SKAP2: variants seen among roughly 807,000 people sequenced by gnomAD.
SKAP2 encodes src kinase-associated phosphoprotein 2.
A neutral mutation model predicts 54.9 loss-of-function variants in SKAP2; 28 were observed. That is an observed-to-expected ratio of 0.51 (90% CI 0.38 to 0.70). The LOEUF (loss-of-function observed/expected upper bound fraction) is 0.70. Among genes scored for constraint, SKAP2 ranks in the 30% least tolerant of loss-of-function variants. The pLI is 0.00. For synonymous variants in SKAP2, 137 were observed against 134.3 expected (o/e 1.02, Z -0.14); for missense variants, 356 against 424.1 (o/e 0.84, Z 1.41).
chr7:26,724,435 T>C (rs918578690), intron 9 of SKAP2, among the ~76,000 whole-genome samples: 3 of 152,152 alleles, frequency 2.0e-5, no homozygotes, highest in Admixed American at 6.5e-5. Flanking sequence ...AGAATTTAAA[T>C]TTTTTTCTTC....
In SKAP2 at chr7:26,795,099, G is replaced by T. The variant is rs537893119; in HGVS notation, c.307+48931C>A. On this transcript the variant is annotated intron_variant, in intron 4 of 12. Transcript: ENST00000345317. ...GAGATTTTACTAATAAACAGAAAAT[G>T]TCCTAAAAGTTCAAAAGAGAAGAGT... Among the ~76,000 whole-genome samples, 89 of 152,292 alleles carry T rather than the reference G, an allele frequency of 5.8e-4. 2 individuals are homozygous for T. In the South Asian group the frequency reaches 0.018, roughly 31 times the overall value.
At position 26,759,409 on chromosome 7, in the gene SKAP2, G is replaced by C. The variant is rs560278244; in HGVS notation, c.308-19445C>G. Reference sequence around the variant, plus strand: ...GCAGCTAATCCTTTGTAAAATCACTGGTTCAGTGATTGAGGAGTTTGCTCA... The same window carrying C: ...GCAGCTAATCCTTTGTAAAATCACTCGTTCAGTGATTGAGGAGTTTGCTCA... On this transcript the variant is annotated intron_variant, in intron 4 of 12. Coordinates refer to ENST00000345317, the MANE Select transcript of SKAP2 (RefSeq NM_003930.5). Among the ~76,000 whole-genome samples, 8 of 152,174 alleles carry C rather than the reference G, an allele frequency of 5.3e-5. No homozygotes were observed. In the South Asian group the frequency reaches 1.7e-3, roughly 32 times the overall value.
chr7:26,757,928 A>T (rs1335961842), intron 4 of SKAP2, among the ~76,000 whole-genome samples: 1 of 152,000 alleles, frequency 6.6e-6, no homozygotes, highest in African/African-American at 2.4e-5. Context: ...CGCCTGGCTA[A>T]TTTTTTGTAT....
chr7:26,824,385 G>A (rs1784446483), intron 4 of SKAP2, among the ~76,000 whole-genome samples: 1 of 152,142 alleles, frequency 6.6e-6, no homozygotes, highest in Non-Finnish European at 1.5e-5. Context: ...TTTAAAGGAT[G>A]ACAAACACAA....
At chr7:26,766,267 CTGTT>C (rs1240234581) in intron 4 of SKAP2, among the ~76,000 whole-genome samples, 5 of 152,106 alleles carry the variant, frequency 3.3e-5, no homozygotes, top group Non-Finnish European at 5.9e-5. Context: ...ATTTGGCTCT[CTGTT>C]TGTCTATTAT....
chr7:26,673,191 G>A (rs1786279058), intron 11 of SKAP2, among the ~76,000 whole-genome samples: 1 of 152,080 alleles, frequency 6.6e-6, no homozygotes, highest in Admixed American at 6.6e-5. Flanking sequence ...GAAGCATCAT[G>A]TAATCTTTAT....
chr7:26,864,503 G>A lies in SKAP2; in HGVS notation c.-74C>T. The A allele has an allele frequency of 6.6e-7, 1 of 1,523,814 alleles. No individual in the cohort carries two copies. Among genetic ancestry groups the A allele is most frequent in the Non-Finnish European group, 8.8e-7 (1 of 1,137,346 alleles). The allele number at this position is 1,523,814 out of a possible 1,614,324, so 94.4% of individuals were successfully genotyped here. A position where few individuals can be genotyped will look rare whatever the true frequency, so the allele number is the denominator to read the frequency against. ...ACCGACGGGGTGGGGCTGCGGCTGC[G>A]ACCTAGACTCAGGCTAGCGGCCCGG... On this transcript the variant is annotated 5_prime_UTR_variant, in exon 1 of 13. Coordinates refer to ENST00000345317, the MANE Select transcript of SKAP2 (RefSeq NM_003930.5).
intron 4 of SKAP2, among the ~76,000 whole-genome samples, chr7:26,802,651 G>A (rs189995567): frequency 6.6e-6 from 1 of 152,206 alleles, no homozygotes; most frequent in Non-Finnish European, 1.5e-5. Context: ...GGGAGGCAGA[G>A]GCAGGTGGAT....
At chr7:26,699,943 C>T (rs1205077842) in intron 9 of SKAP2, among the ~76,000 whole-genome samples, 2 of 152,088 alleles carry the variant, frequency 1.3e-5, no homozygotes, top group Non-Finnish European at 2.9e-5. Flanking sequence ...GACCAAAGTC[C>T]GTATGTGTTT....
intron 4 of SKAP2, among the ~76,000 whole-genome samples, chr7:26,790,973 A>T (rs1783662553): frequency 6.6e-6 from 1 of 152,200 alleles, no homozygotes; most frequent in Admixed American, 6.5e-5. Flanking sequence ...TGTCTTCCTT[A>T]AAGAAATATA....
chr7:26,730,399 A>C (rs956494485), intron 6 of SKAP2, among the ~76,000 whole-genome samples: 4 of 152,236 alleles, frequency 2.6e-5, no homozygotes, highest in Non-Finnish European at 4.4e-5. Context: ...ACAAATAGCA[A>C]AAGCTTATTC....
In SKAP2 at chr7:26,844,064, T is replaced by C. The variant is rs755786124; in HGVS notation, c.273A>G (p.Glu91=). The part of the protein sequence containing the change: ...GPPDTISLAS[E]RYDKDDEAPS... ...GGGCTTCATCGTCTTTATCATATCG[T>C]TCTGAGGCTAATGAAATAGTGTCTG... is the stretch of plus-strand genomic sequence containing the variant. The change falls in exon 4 of 13, where the codon GAA becomes GAG. Residue 91 remains glutamate (E), a synonymous_variant. Coordinates refer to ENST00000345317, the MANE Select transcript of SKAP2 (RefSeq NM_003930.5). 6.8e-6 allele frequency: 11 copies of C among 1,612,436 alleles called. No homozygotes were observed. The Admixed American group carries it at 1.0e-4, about 15-fold the overall frequency.
intron 4 of SKAP2, among the ~76,000 whole-genome samples, chr7:26,797,439 A>T (rs1783806780): frequency 6.6e-6 from 1 of 152,180 alleles, no homozygotes; most frequent in Non-Finnish European, 1.5e-5. Context: ...ATTCTCCCGG[A>T]TCTTGTCCAA....
chr7:26,683,567 A>G (rs919402756), intron 11 of SKAP2, among the ~76,000 whole-genome samples: 2 of 151,788 alleles, frequency 1.3e-5, no homozygotes, highest in African/African-American at 2.4e-5. Flanking sequence ...GAAGGAAGGA[A>G]AGAAGGAGCA....
intron 4 of SKAP2, among the ~76,000 whole-genome samples, chr7:26,775,528 T>C (rs1324247014): frequency 3.7e-5 from 3 of 80,038 alleles, no homozygotes; most frequent in Non-Finnish European, 7.3e-5. Context: ...GTTTTACTTG[T>C]ACGTGTGTGT....
chr7:26,824,127 G>T (rs1784441861), intron 4 of SKAP2, among the ~76,000 whole-genome samples: 1 of 87,504 alleles, frequency 1.1e-5, no homozygotes, highest in Admixed American at 1.2e-4. Flanking sequence ...TCAATTCATT[G>T]CTGTCTTTAT....
chr7:26,777,654 G>A (rs1783341353), intron 4 of SKAP2, among the ~76,000 whole-genome samples: 1 of 152,026 alleles, frequency 6.6e-6, no homozygotes, highest in South Asian at 2.1e-4. Context: ...CAAAATGCTG[G>A]CAGAAAGCAG....
At chr7:26,685,520 G>T (rs1414057613) in intron 10 of SKAP2, among the ~76,000 whole-genome samples, 1 of 152,120 alleles carries the variant, frequency 6.6e-6, no homozygotes, top group South Asian at 2.1e-4. Flanking sequence ...TTTTTCAACC[G>T]ATTTTTGTCA....
chr7:26,657,688 G>A, the SKAP2 span, among the ~76,000 whole-genome samples: 1 of 151,992 alleles, frequency 6.6e-6, no homozygotes, highest in East Asian at 1.9e-4. Context: ...TTACTGAAGC[G>A]GAATAAGGCT....
Sources: gnomAD v4.1 joint callset for allele counts (sites outside exome capture counted in the v4.1 genomes callset) on GRCh38, gnomAD v4.1.1 for gene constraint, MANE v1.5 for transcripts, NCBI Gene and HGNC (gene_info 2026-07-23, HGNC 2026-07-21) for gene names.